The following LUZP2 variants were observed in gnomAD, a reference collection of about 807,000 sequenced individuals.
LUZP2 encodes leucine zipper protein 2.
Under a neutral mutation model 51.6 loss-of-function variants are expected in LUZP2, and 52 were observed. That is an observed-to-expected ratio of 1.01 (90% CI 0.81 to 1.27). The LOEUF is 1.27. Among genes scored for constraint, LUZP2 ranks in the 50% most tolerant of loss-of-function variants. LUZP2 has a pLI of 0.00. For synonymous variants in LUZP2, 154 were observed against 137.3 expected, an observed-to-expected ratio of 1.12 and a Z score of -0.85; for missense variants, 436 against 395.4, an observed-to-expected ratio of 1.10 and a Z score of -0.87.
At chr11:24,948,824 CATCTATCTATCTATCTATCT>C (rs67058181) in intron 7 of LUZP2, among the ~76,000 whole-genome samples, 106 of 122,632 alleles carry the variant, frequency 8.6e-4, no homozygotes, top group South Asian at 2.4e-3. Context: ...ATCTATCTAT[CATCTATCTATCTATCTATCT>C]ATCTATCTAT....
intron 7 of LUZP2, among the ~76,000 whole-genome samples, chr11:24,917,687 G>T (rs1440070775): frequency 6.6e-6 from 1 of 151,424 alleles, no homozygotes; most frequent in Non-Finnish European, 1.5e-5. Context: ...CTGTTCCATT[G>T]GTCTATATCT....
chr11:24,937,955 G>C lies in LUZP2; in HGVS notation c.522+23417G>C, dbSNP rs575213165. On this transcript the variant is annotated intron_variant, in intron 7 of 11. Coordinates refer to ENST00000336930, the MANE Select transcript of LUZP2 (RefSeq NM_001009909.4). Reference sequence around the variant, plus strand: ...AAATACGTCATATGTTCTTAACTCAGGACCTCATACTTTCCATCGTCTGGC... The same window carrying C: ...AAATACGTCATATGTTCTTAACTCACGACCTCATACTTTCCATCGTCTGGC... Among the ~76,000 whole-genome samples the C allele has an allele frequency of 3.8e-3, 580 of 151,678 alleles. 2 individuals carry two copies. Among genetic ancestry groups the C allele is most frequent in the African/African-American group, 0.013 (539 of 41,438 alleles).
chr11:25,071,306 T>A (rs1056434964), intron 10 of LUZP2, among the ~76,000 whole-genome samples: 5 of 151,958 alleles, frequency 3.3e-5, no homozygotes, highest in African/African-American at 1.2e-4. Context: ...AATGACGAGT[T>A]AACGGGTGCA....
At chr11:24,917,185 T>C (rs1490141086) in intron 7 of LUZP2, among the ~76,000 whole-genome samples, 2 of 152,110 alleles carry the variant, frequency 1.3e-5, no homozygotes, top group Non-Finnish European at 2.9e-5. Flanking sequence ...GGGTTGTTTG[T>C]TTTTTTCTTG....
chr11:24,857,379 G>A (rs1425463722), intron 5 of LUZP2, among the ~76,000 whole-genome samples: 1 of 149,466 alleles, frequency 6.7e-6, no homozygotes, highest in Non-Finnish European at 1.5e-5. Flanking sequence ...CAAGTACTGA[G>A]TATAGTGTAT....
chr11:24,601,925 T>C (rs1177670128), intron 1 of LUZP2, among the ~76,000 whole-genome samples: 1 of 135,926 alleles, frequency 7.4e-6, no homozygotes, highest in East Asian at 2.0e-4. Context: ...TATATGTATA[T>C]ATATGTATAT....
chr11:24,914,095 T>TA (rs1051342551), intron 6 of LUZP2, among the ~76,000 whole-genome samples: 2 of 152,092 alleles, frequency 1.3e-5, no homozygotes, highest in Non-Finnish European at 2.9e-5. Context: ...TAATTTAATT[T>TA]AAAAAAAGTA....
chr11:24,698,994 C>T (rs1857335959), intron 1 of LUZP2, among the ~76,000 whole-genome samples: 2 of 151,806 alleles, frequency 1.3e-5, no homozygotes, highest in Admixed American at 1.3e-4. Context: ...GGAGGTCAGG[C>T]TGCAATGAGC....
chr11:24,583,236 T>C (rs1414809497), intron 1 of LUZP2, among the ~76,000 whole-genome samples: 1 of 152,126 alleles, frequency 6.6e-6, no homozygotes, highest in East Asian at 1.9e-4. Context: ...TTCATTCTCC[T>C]GGGTCTATTT....
intron 5 of LUZP2, among the ~76,000 whole-genome samples, chr11:24,796,879 T>A (rs1161077425): frequency 6.6e-6 from 1 of 152,096 alleles, no homozygotes; most frequent in Admixed American, 6.6e-5. Context: ...GCAGAAACTC[T>A]CTGCATATGC....
intron 7 of LUZP2, among the ~76,000 whole-genome samples, chr11:24,927,141 G>A (rs1189005947): frequency 2.7e-5 from 4 of 150,404 alleles, no homozygotes; most frequent in African/African-American, 9.8e-5. Context: ...GTTCCTCATA[G>A]ATTCTGGATA....
chr11:24,681,043 G>T (rs573124636), intron 1 of LUZP2, among the ~76,000 whole-genome samples: 261 of 149,572 alleles, frequency 1.7e-3, no homozygotes, highest in Middle Eastern at 3.5e-3. Flanking sequence ...CTGCAGTGGC[G>T]CAATCTCGGC....
chr11:24,790,278 G>GA (rs1486942612), intron 5 of LUZP2, among the ~76,000 whole-genome samples: 1 of 151,652 alleles, frequency 6.6e-6, no homozygotes, highest in Non-Finnish European at 1.5e-5. Context: ...ATGTGAATTT[G>GA]AAAAAAATAC....
chr11:25,072,511 A>T (rs1432361807), intron 10 of LUZP2, among the ~76,000 whole-genome samples: 1 of 152,140 alleles, frequency 6.6e-6, no homozygotes, highest in East Asian at 1.9e-4. Flanking sequence ...TGTGTGGCCA[A>T]AAAGGGAAAA....
chr11:24,693,246 C>G (rs561578220), intron 1 of LUZP2, among the ~76,000 whole-genome samples: 3 of 151,576 alleles, frequency 2.0e-5, no homozygotes, highest in Non-Finnish European at 4.4e-5. Flanking sequence ...TTTTATACAG[C>G]ATTGGGTGAT....
At chr11:25,051,041 C>T (rs1858494023) in intron 10 of LUZP2, among the ~76,000 whole-genome samples, 1 of 152,082 alleles carries the variant, frequency 6.6e-6, no homozygotes, top group South Asian at 2.1e-4. Context: ...GGCTTTAATC[C>T]AACTTGAAAA....
At chr11:24,907,587 TGTGA>T (rs1853497963) in intron 6 of LUZP2, among the ~76,000 whole-genome samples, 1 of 152,154 alleles carries the variant, frequency 6.6e-6, no homozygotes, top group African/African-American at 2.4e-5. Context: ...TTGTGCAGGT[TGTGA>T]GTATTACTTA....
chr11:24,911,872 A>G (rs905644082), intron 6 of LUZP2, among the ~76,000 whole-genome samples: 1 of 152,198 alleles, frequency 6.6e-6, no homozygotes. Flanking sequence ...TTTCATTCAT[A>G]AAAGCCATTG....
In LUZP2 at chr11:24,755,162, A is replaced by C. The variant is rs542654150; in HGVS notation, c.334-8084A>C. 5.4e-4 allele frequency among the ~76,000 whole-genome samples: 82 copies of C among 152,128 alleles called. 1 individual carries two copies. In the South Asian group the frequency reaches 7.9e-3, roughly 15 times the overall value. ...CTCTGTCTAAAAAACAGAAAAAAAA[A>C]ACACACACACACATTAGTCGCAAAT... On this transcript the variant is annotated intron_variant, in intron 4 of 11. Coordinates refer to ENST00000336930, the MANE Select transcript of LUZP2 (RefSeq NM_001009909.4).
Sources: allele counts gnomAD v4.1 joint callset (sites outside exome capture counted in the v4.1 genomes callset), GRCh38; gene constraint gnomAD v4.1.1; transcripts MANE v1.5; gene names NCBI Gene and HGNC (gene_info 2026-07-23, HGNC 2026-07-21).